Variants in ATP8B4 observed in about 807,000 individuals in gnomAD.
The protein encoded by ATP8B4 is probable phospholipid-transporting ATPase IM.
In ATP8B4, 133 loss-of-function variants were observed where a neutral mutation model predicts 145.6. The observed-to-expected ratio is 0.91, with a 90% confidence interval of 0.79 to 1.05. ATP8B4 has a LOEUF of 1.05. Ranked by LOEUF, ATP8B4 falls within the 50% of genes least tolerant of loss-of-function variation. ATP8B4 has a pLI of 0.00. For synonymous variants in ATP8B4, 507 were observed against 492.9 expected, an observed-to-expected ratio of 1.03 and a Z score of -0.38; for missense variants, 1,458 against 1,425.2, an observed-to-expected ratio of 1.02 and a Z score of -0.37.
rs773757586 is a variant in ATP8B4 at position 50,044,607 on chromosome 15, G to A, written c.287C>T (p.Ala96Val). Residue 96 changes from alanine (A) to valine (V), a missense_variant, in exon 5 of 28, where the codon GCC (alanine) becomes GTC (valine). Physicochemically the swap from Ala to Val is moderately conservative, Grantham distance 64. Coordinates refer to ENST00000284509, the MANE Select transcript of ATP8B4 (RefSeq NM_024837.4). The stretch of plus-strand genomic sequence containing the variant: ...GCAAATACTCACATAGTCATCTGTG[G>A]CATCTTTGACAGCTGTCATAGTTAT... ...LVITMTAVKD[A>V]TDDYFRHKSD... The A allele has an allele frequency of 1.2e-6, 2 of 1,609,202 alleles. No individual in the cohort carries two copies. Among genetic ancestry groups the A allele is most frequent in the South Asian group, 1.1e-5 (1 of 90,778 alleles).
At chr15:50,025,006 C>T (rs72734860) in intron 6 of ATP8B4, among the ~76,000 whole-genome samples, 1 of 152,136 alleles carries the variant, frequency 6.6e-6, no homozygotes, top group East Asian at 1.9e-4. Context: ...ATATTAGTTA[C>T]AGGGAAGAAA....
intron 1 of ATP8B4, among the ~76,000 whole-genome samples, chr15:50,135,153 G>A (rs1268566878): frequency 2.0e-5 from 3 of 152,136 alleles, no homozygotes; most frequent in Non-Finnish European, 4.4e-5. Flanking sequence ...TCCTTAGCTG[G>A]TTGAAATCTA....
chr15:49,920,227 C>T lies in ATP8B4; in HGVS notation c.1923+19G>A. On this transcript the variant is annotated intron_variant, in intron 18 of 27. Coordinates refer to ENST00000284509, the MANE Select transcript of ATP8B4 (RefSeq NM_024837.4). ...TATCTTTCCTGTAAACACAAACCAT[C>T]ATGCTTCTAAACTCATACCATCAAA... The T allele has an allele frequency of 6.2e-7, 1 of 1,611,728 alleles. No homozygotes were observed. Among genetic ancestry groups the T allele is most frequent in the Non-Finnish European group, 8.5e-7 (1 of 1,178,624 alleles).
At chr15:49,987,637 C>T (rs911631551) in intron 9 of ATP8B4, 88 bp from the exon 10 acceptor site, 1 of 1,378,668 alleles carries the variant, frequency 7.3e-7, no homozygotes, top group Non-Finnish European at 9.8e-7. Context: ...CCACTGTTTC[C>T]CTCTCCTTTA....
At chr15:50,063,775 G>T (rs2053190608) in intron 3 of ATP8B4, among the ~76,000 whole-genome samples, 1 of 152,134 alleles carries the variant, frequency 6.6e-6, no homozygotes, top group African/African-American at 2.4e-5. Flanking sequence ...GGAATAGCAG[G>T]TGATTTTCCT....
chr15:49,941,829 G>T (rs1053375094), intron 14 of ATP8B4, among the ~76,000 whole-genome samples: 1 of 152,116 alleles, frequency 6.6e-6, no homozygotes, highest in African/African-American at 2.4e-5. Context: ...AGAAAATGTG[G>T]TATATATACA....
intron 13 of ATP8B4, among the ~76,000 whole-genome samples, chr15:49,966,086 G>A (rs2153514990): frequency 6.6e-6 from 1 of 152,294 alleles, no homozygotes; most frequent in East Asian, 1.9e-4. Context: ...GTGCATTCCA[G>A]CCCAGATACT....
intron 1 of ATP8B4, among the ~76,000 whole-genome samples, chr15:50,156,094 A>ATATATATATATAAATATATT (rs1174809815): frequency 1.3e-4 from 1 of 7,646 alleles, no homozygotes; most frequent in African/African-American, 2.7e-4. Context: ...ATATATATAA[A>ATATATATATATAAATATATT]TATATATATA....
At position 49,981,229 on chromosome 15, in the gene ATP8B4, A is replaced by T; in HGVS notation, c.814T>A (p.Leu272Met). The T allele has an allele frequency of 6.2e-7, 1 of 1,608,782 alleles. No individual in the cohort carries two copies. Among genetic ancestry groups the T allele is most frequent in the Non-Finnish European group, 8.5e-7 (1 of 1,176,810 alleles). The part of the protein sequence containing the change: ...TKFKRTSIDR[L>M]MNTLVLWIFG... Reference sequence around the variant, plus strand: ...ACCCATAGTACTAGAGTATTCATCAATCTATCAATGCTTGTCCTTTTAAAC... The same window carrying T: ...ACCCATAGTACTAGAGTATTCATCATTCTATCAATGCTTGTCCTTTTAAAC... The change falls in exon 11 of 28, where the codon TTG becomes ATG. Residue 272 changes from leucine (L) to methionine (M), a missense_variant. Leu to Met is a conservative substitution (Grantham distance 15). Transcript: ENST00000284509.
intron 20 of ATP8B4, among the ~76,000 whole-genome samples, chr15:49,906,705 G>A (rs1287744008): frequency 1.3e-5 from 2 of 152,042 alleles, no homozygotes; most frequent in Non-Finnish European, 2.9e-5. Context: ...AAGAAGGGGG[G>A]GATTTCTTTA....
At chr15:49,928,058 T>A (rs1176767718) in intron 16 of ATP8B4, among the ~76,000 whole-genome samples, 1 of 152,144 alleles carries the variant, frequency 6.6e-6, no homozygotes, top group Non-Finnish European at 1.5e-5. Flanking sequence ...CTGGGTTGAG[T>A]AGTATTTCAT....
At chr15:50,046,720 A>T (rs566427754) in intron 4 of ATP8B4, among the ~76,000 whole-genome samples, 36 of 152,316 alleles carry the variant, frequency 2.4e-4, no homozygotes, top group African/African-American at 8.7e-4. Context: ...GTGTGTGTAT[A>T]GTATGTATGT....
chr15:50,098,622 T>A (rs186043808), intron 2 of ATP8B4, among the ~76,000 whole-genome samples: 61 of 152,146 alleles, frequency 4.0e-4, no homozygotes, highest in African/African-American at 1.4e-3. Flanking sequence ...AATAATAACT[T>A]GAAAGGACTA....
intron 4 of ATP8B4, among the ~76,000 whole-genome samples, chr15:50,045,852 T>C (rs1486213518): frequency 6.6e-6 from 1 of 152,158 alleles, no homozygotes; most frequent in Non-Finnish European, 1.5e-5. Context: ...ATTAGAGAAA[T>C]GAATTCAAAA....
At chr15:50,094,328 C>T (rs2055813847) in intron 2 of ATP8B4, among the ~76,000 whole-genome samples, 1 of 152,076 alleles carries the variant, frequency 6.6e-6, no homozygotes, top group Non-Finnish European at 1.5e-5. Context: ...CAAACTAAAA[C>T]ATTGGCTCTT....
chr15:49,892,711 GT>G (rs905103416), intron 23 of ATP8B4, among the ~76,000 whole-genome samples: 1 of 152,196 alleles, frequency 6.6e-6, no homozygotes, highest in Non-Finnish European at 1.5e-5. Context: ...TGCAAAATGA[GT>G]TTGGGTAATA....
intron 4 of ATP8B4, among the ~76,000 whole-genome samples, 200 bp from the exon 5 acceptor site, chr15:50,044,892 C>G (rs1357502074): frequency 6.6e-6 from 1 of 152,164 alleles, no homozygotes. Context: ...TTCAAACTAC[C>G]TAACCAAAAA....
intron 6 of ATP8B4, among the ~76,000 whole-genome samples, chr15:50,030,052 T>C (rs1012825156): frequency 6.6e-6 from 1 of 152,234 alleles, no homozygotes; most frequent in African/African-American, 2.4e-5. Flanking sequence ...CTTTGAGCTC[T>C]GAATGAAACC....
At chr15:50,131,756 A>G (rs2044051282) in intron 1 of ATP8B4, among the ~76,000 whole-genome samples, 1 of 107,406 alleles carries the variant, frequency 9.3e-6, no homozygotes, top group Admixed American at 9.0e-5. Context: ...ATATAATATT[A>G]TATTATACTA....
Sources: allele counts gnomAD v4.1 joint callset (sites outside exome capture counted in the v4.1 genomes callset), GRCh38; gene constraint gnomAD v4.1.1; transcripts MANE v1.5; gene names NCBI Gene and HGNC (gene_info 2026-07-23, HGNC 2026-07-21).